MED12L: variants seen among roughly 807,000 people sequenced by gnomAD.
MED12L encodes mediator complex subunit 12L.
In MED12L, 60 loss-of-function variants were observed where a neutral mutation model predicts 281.3. The observed-to-expected ratio is 0.21, with a 90% CI of 0.17 to 0.26. MED12L has a LOEUF of 0.26. MED12L is among the 10% of genes least tolerant of loss of function. The pLI is 1.00. For synonymous variants in MED12L, 974 were observed against 987.2 expected (o/e 0.99, Z 0.25); for missense variants, 2,146 against 2,680.9 (o/e 0.80, Z 4.41).
At chr3:151,279,358 A>G (rs112464597) in intron 16 of MED12L, among the ~76,000 whole-genome samples, 1 of 152,214 alleles carries the variant, frequency 6.6e-6, no homozygotes, top group African/African-American at 2.4e-5. Flanking sequence ...TAGTTGCTTT[A>G]TATGTACTTG....
chr3:151,109,219 C>T (rs1711513325), intron 2 of MED12L, among the ~76,000 whole-genome samples: 1 of 152,064 alleles, frequency 6.6e-6, no homozygotes, highest in Non-Finnish European at 1.5e-5. Flanking sequence ...CCACGCCCGG[C>T]AATTTTTTTG....
At chr3:151,308,078 A>C (rs1746957082) in intron 16 of MED12L, among the ~76,000 whole-genome samples, 1 of 152,142 alleles carries the variant, frequency 6.6e-6, no homozygotes, top group Non-Finnish European at 1.5e-5. Context: ...ATGTTAAGTC[A>C]ATTTTATATT....
chr3:151,314,805 C>G (rs539428752), intron 16 of MED12L, among the ~76,000 whole-genome samples: 2 of 152,308 alleles, frequency 1.3e-5, no homozygotes, highest in African/African-American at 4.8e-5. Context: ...CAAGGGGCCT[C>G]TAATGACCCT....
At chr3:151,328,636 G>C (rs2149867150) in intron 16 of MED12L, 2 of 1,613,854 alleles carry the variant, frequency 1.2e-6, no homozygotes, top group Non-Finnish European at 1.7e-6. Context: ...TGAGGAATCT[G>C]TCAAAGGCTA....
chr3:151,252,092 G>C (rs1736961032), intron 16 of MED12L, among the ~76,000 whole-genome samples: 1 of 152,102 alleles, frequency 6.6e-6, no homozygotes, highest in African/African-American at 2.4e-5. Flanking sequence ...TCCTATGGGA[G>C]GTTATTCCTG....
intron 16 of MED12L, among the ~76,000 whole-genome samples, chr3:151,335,772 C>G (rs961883667): frequency 2.0e-5 from 3 of 152,092 alleles, no homozygotes; most frequent in Non-Finnish European, 2.9e-5. Flanking sequence ...TGTCTAAGGT[C>G]TCTGAATAAA....
At chr3:151,364,705 A>C (rs1361508330) in intron 21 of MED12L, among the ~76,000 whole-genome samples, 1 of 152,220 alleles carries the variant, frequency 6.6e-6, no homozygotes, top group East Asian at 1.9e-4. Context: ...TAAAATGTAG[A>C]CCATATTTAG....
chr3:151,355,341 A>AT, intron 18 of MED12L, 102 bp downstream of exon 18: 1 of 697,458 alleles, frequency 1.4e-6, no homozygotes, highest in South Asian at 2.0e-5. Context: ...TTTTAGACAT[A>AT]TATTTTATAA....
At chr3:151,233,727 C>G (rs1361297450) in intron 16 of MED12L, among the ~76,000 whole-genome samples, 1 of 152,196 alleles carries the variant, frequency 6.6e-6, no homozygotes, top group Non-Finnish European at 1.5e-5. Context: ...GAGTGAAACT[C>G]CGTCTCAAAA....
chr3:151,348,340 C>CAAAAAAAAA (rs11382065), intron 16 of MED12L, among the ~76,000 whole-genome samples: 3 of 87,812 alleles, frequency 3.4e-5, no homozygotes, highest in African/African-American at 8.9e-5. Flanking sequence ...ACCACCAGAC[C>CAAAAAAAAA]AAAAAAAAAA....
chr3:151,104,295 G>A (rs1290058210), intron 2 of MED12L, among the ~76,000 whole-genome samples: 1 of 152,154 alleles, frequency 6.6e-6, no homozygotes, highest in African/African-American at 2.4e-5. Context: ...CCTAAGTCAG[G>A]CCCCTACCTC....
chr3:151,273,499 C>T (rs1741355033), intron 16 of MED12L, among the ~76,000 whole-genome samples: 1 of 151,338 alleles, frequency 6.6e-6, no homozygotes, highest in South Asian at 2.1e-4. Flanking sequence ...CCTCGGCCTC[C>T]CAAAGTGTTG....
Position 151,436,142 on chromosome 3 carries a change from C to G in MED12L, c.*3338C>G, listed in dbSNP as rs1047639917. On this transcript the variant is annotated 3_prime_UTR_variant, in exon 45 of 45. Transcript: ENST00000687756. ...GCAGTTATTAAAACATTTTTGTATT[C>G]CCCATCAATGAAAATTTTCAGTGTG... is the stretch of plus-strand genomic sequence containing the variant. The G allele has an allele frequency of 3.3e-5, 5 of 152,144 alleles. No homozygotes were observed. Among genetic ancestry groups the G allele is most frequent in the Non-Finnish European group, 5.9e-5 (4 of 68,076 alleles). The allele number at this position is 152,144 out of a possible 1,614,324, so 9.4% of individuals were successfully genotyped here. A position where few individuals can be genotyped will look rare whatever the true frequency, so the allele number is the denominator to read the frequency against.
chr3:151,404,095 A>T (rs989891917), intron 39 of MED12L, among the ~76,000 whole-genome samples: 2 of 152,228 alleles, frequency 1.3e-5, no homozygotes, highest in Non-Finnish European at 2.9e-5. Flanking sequence ...CTGGCTTTTT[A>T]AAAAATGTTT....
At chr3:151,152,377 C>A (rs1000921321) in intron 5 of MED12L, among the ~76,000 whole-genome samples, 5 of 152,022 alleles carry the variant, frequency 3.3e-5, no homozygotes, top group African/African-American at 1.2e-4. Context: ...GTTGGGATTA[C>A]AGGTGTGAGC....
chr3:151,433,554 A>T lies in MED12L; in HGVS notation c.*750A>T, dbSNP rs148733805. On this transcript the variant is annotated 3_prime_UTR_variant, in exon 45 of 45. Transcript: ENST00000687756. ...TTGTTTTGAGGCAAGATCATTGATG[A>T]GAGTCATTGTGAAGGTACAACATGT... The T allele has an allele frequency of 6.6e-6, 1 of 152,596 alleles. No individual in the cohort carries two copies. The highest frequency in any genetic ancestry group is 1.5e-5 in the Non-Finnish European group (1 of 68,032). The allele number at this position is 152,596 out of a possible 1,614,324, so 9.5% of individuals were successfully genotyped here. A position where few individuals can be genotyped will look rare whatever the true frequency, so the allele number is the denominator to read the frequency against.
chr3:151,169,589 A>C (rs1409288833), intron 11 of MED12L, among the ~76,000 whole-genome samples: 1 of 152,094 alleles, frequency 6.6e-6, no homozygotes, highest in Admixed American at 6.5e-5. Context: ...TTTTTCTCTA[A>C]GGAAACATGA....
At chr3:151,145,220 C>T (rs1488752076) in intron 5 of MED12L, among the ~76,000 whole-genome samples, 1 of 152,198 alleles carries the variant, frequency 6.6e-6, no homozygotes, top group Non-Finnish European at 1.5e-5. Context: ...AACCTGTGCC[C>T]TTCACCACTC....
rs567587187 is a variant in MED12L, at chr3:151,330,535, A to T, written c.2251-19524A>T. Among the ~76,000 whole-genome samples the T allele has an allele frequency of 9.7e-4, 147 of 152,292 alleles. 1 individual carries two copies. The highest frequency in any genetic ancestry group is 1.7e-3 in the Non-Finnish European group (119 of 68,026). On this transcript the variant is annotated intron_variant, in intron 16 of 44. Coordinates refer to ENST00000687756, the MANE Select transcript of MED12L (RefSeq NM_001393769.1). Reference sequence around the variant, plus strand: ...CCAGGTAGGCATAGGAAAAGCGGAAATTAGGAGATCTTACGGAGGATGTGG... The same window carrying T: ...CCAGGTAGGCATAGGAAAAGCGGAATTTAGGAGATCTTACGGAGGATGTGG...
Sources: allele counts gnomAD v4.1 joint callset (sites outside exome capture counted in the v4.1 genomes callset), GRCh38; gene constraint gnomAD v4.1.1; transcripts MANE v1.5; gene names NCBI Gene and HGNC (gene_info 2026-07-23, HGNC 2026-07-21).